NLGN1: variants seen among roughly 807,000 people sequenced by gnomAD.
The protein encoded by NLGN1 is neuroligin 1, also known as neuroligin-1.
Under a neutral mutation model 65.5 loss-of-function variants are expected in NLGN1, and 12 were observed. The ratio of observed to expected loss-of-function variants is 0.18; its 90% CI spans 0.12 to 0.30. NLGN1 has a LOEUF of 0.30. NLGN1 is among the 10% of genes least tolerant of loss of function. NLGN1 has a pLI of 1.00. For missense variants in NLGN1, 750 were observed against 1,007.1 expected, an observed-to-expected ratio of 0.74 and a Z score of 3.46; for synonymous variants, 350 against 359.5, an observed-to-expected ratio of 0.97 and a Z score of 0.30.
At chr3:173,688,517 A>G (rs1460667541) in intron 3 of NLGN1, among the ~76,000 whole-genome samples, 3 of 152,172 alleles carry the variant, frequency 2.0e-5, no homozygotes, top group East Asian at 3.9e-4. Context: ...TAATCATAGC[A>G]ATACACTGGA....
chr3:173,873,211 C>T (rs1438801381), intron 4 of NLGN1, among the ~76,000 whole-genome samples: 1 of 151,888 alleles, frequency 6.6e-6, no homozygotes, highest in Non-Finnish European at 1.5e-5. Flanking sequence ...GCCTCAGCCT[C>T]CCAAGTAGCT....
chr3:174,241,566 A>C (rs1269379162), intron 4 of NLGN1, among the ~76,000 whole-genome samples: 1 of 151,952 alleles, frequency 6.6e-6, no homozygotes, highest in African/African-American at 2.4e-5. Flanking sequence ...AAATCAACAC[A>C]GTCTTTATTC....
intron 4 of NLGN1, among the ~76,000 whole-genome samples, chr3:174,187,471 AG>A (rs760867762): frequency 2.0e-4 from 31 of 152,168 alleles, no homozygotes; most frequent in Non-Finnish European, 4.1e-4. Context: ...GAAAATGCTT[AG>A]CCAATGCCTG....
At chr3:174,216,736 T>C (rs1053256436) in intron 4 of NLGN1, among the ~76,000 whole-genome samples, 4 of 152,086 alleles carry the variant, frequency 2.6e-5, no homozygotes, top group African/African-American at 9.7e-5. Context: ...GTTGTAATGC[T>C]AGGTCAGCTC....
At chr3:174,101,560 T>G (rs1231125963) in intron 4 of NLGN1, among the ~76,000 whole-genome samples, 1 of 152,308 alleles carries the variant, frequency 6.6e-6, no homozygotes, top group South Asian at 2.1e-4. Flanking sequence ...TAAACAACTT[T>G]CAATGAATCA....
chr3:174,074,471 C>T (rs1740505816), intron 4 of NLGN1, among the ~76,000 whole-genome samples: 1 of 152,032 alleles, frequency 6.6e-6, no homozygotes, highest in African/African-American at 2.4e-5. Context: ...TACATGATGA[C>T]AAGGGTGAGT....
intron 4 of NLGN1, among the ~76,000 whole-genome samples, chr3:174,194,869 C>CT (rs985858292): frequency 6.6e-5 from 9 of 136,552 alleles, no homozygotes; most frequent in East Asian, 2.1e-4. Flanking sequence ...TTTCTTTTTT[C>CT]TTTTTTTTTG....
At chr3:173,864,571 C>A (rs575326390) in intron 4 of NLGN1, among the ~76,000 whole-genome samples, 1 of 152,230 alleles carries the variant, frequency 6.6e-6, no homozygotes, top group South Asian at 2.1e-4. Flanking sequence ...TGCACATTTG[C>A]CTTCTCAAAA....
intron 2 of NLGN1, among the ~76,000 whole-genome samples, chr3:173,524,516 A>G (rs1220668744): frequency 1.3e-5 from 2 of 152,150 alleles, no homozygotes; most frequent in South Asian, 4.1e-4. Context: ...GCAAACAGAG[A>G]TTACTTGGCT....
At chr3:173,452,016 C>T (rs193708) in intron 2 of NLGN1, among the ~76,000 whole-genome samples, 15,568 of 152,234 alleles carry the variant, frequency 0.1, 878 homozygotes, top group Admixed American at 0.14. Context: ...CCGGGTGAGG[C>T]GATGCCTCGC....
At chr3:173,589,567 A>C (rs184712176) in intron 2 of NLGN1, among the ~76,000 whole-genome samples, 1 of 152,178 alleles carries the variant, frequency 6.6e-6, no homozygotes, top group African/African-American at 2.4e-5. Context: ...AAGAGATTGA[A>C]TATTGGGCAA....
intron 2 of NLGN1, among the ~76,000 whole-genome samples, chr3:173,508,808 C>A (rs1337498710): frequency 6.6e-6 from 1 of 152,188 alleles, no homozygotes; most frequent in Non-Finnish European, 1.5e-5. Flanking sequence ...CCAGGGCTAA[C>A]AGCCCTAGGG....
rs566496234 is a variant in NLGN1, at chr3:173,606,560, T to C, written c.493+1469T>C. On this transcript the variant is annotated intron_variant, in intron 3 of 6. Transcript: ENST00000457714. ...CTTCTAATATCCTGGCTGGACCAAG[T>C]CAGATTTCATTATAGCATCCTTGTG... Among the ~76,000 whole-genome samples, 25 of 152,192 alleles carry C rather than the reference T, an allele frequency of 1.6e-4. No individual in the cohort carries two copies. In the South Asian group the frequency reaches 5.2e-3, roughly 32 times the overall value.
intron 2 of NLGN1, among the ~76,000 whole-genome samples, chr3:173,442,198 T>A (rs974662679): frequency 2.6e-5 from 4 of 152,150 alleles, no homozygotes; most frequent in African/African-American, 9.7e-5. Context: ...GTTGAGTGCA[T>A]TGCCTGTTTA....
chr3:173,639,014 G>A (rs1757014831), intron 3 of NLGN1, among the ~76,000 whole-genome samples: 3 of 152,170 alleles, frequency 2.0e-5, no homozygotes, highest in Admixed American at 2.0e-4. Flanking sequence ...GGCCAGTTGT[G>A]TGCTCAACAG....
chr3:174,147,760 A>C (rs2152699394), intron 4 of NLGN1, among the ~76,000 whole-genome samples: 1 of 152,194 alleles, frequency 6.6e-6, no homozygotes, highest in Non-Finnish European at 1.5e-5. Flanking sequence ...CAGCCTAAAG[A>C]TTCACACCTG....
intron 2 of NLGN1, among the ~76,000 whole-genome samples, chr3:173,443,968 G>A (rs1212269615): frequency 1.3e-5 from 2 of 152,098 alleles, no homozygotes; most frequent in African/African-American, 2.4e-5. Context: ...AGATTGTATC[G>A]ATACTTCGGT....
chr3:174,187,167 A>C (rs1421431), intron 4 of NLGN1, among the ~76,000 whole-genome samples: 1 of 151,658 alleles, frequency 6.6e-6, no homozygotes, highest in Non-Finnish European at 1.5e-5. Flanking sequence ...TTTTCAATCA[A>C]TGATTGGTAG....
intron 4 of NLGN1, among the ~76,000 whole-genome samples, chr3:173,954,091 A>C (rs922231011): frequency 5.3e-5 from 8 of 152,224 alleles, no homozygotes; most frequent in African/African-American, 1.7e-4. Context: ...AAAATCAGTA[A>C]AAATGTAAAA....
Sources: allele counts gnomAD v4.1 joint callset (sites outside exome capture counted in the v4.1 genomes callset), GRCh38; gene constraint gnomAD v4.1.1; transcripts MANE v1.5; gene names NCBI Gene and HGNC (gene_info 2026-07-23, HGNC 2026-07-21).